The following TTBK1 variants were observed in gnomAD, a reference collection of about 807,000 sequenced individuals.
TTBK1 encodes the protein tau-tubulin kinase 1.
A neutral mutation model predicts 108.5 loss-of-function variants in TTBK1; 34 were observed. The ratio of observed to expected loss-of-function variants is 0.31; its 90% CI spans 0.24 to 0.42. The LOEUF is 0.42. TTBK1 is among the 10% of genes least tolerant of loss of function. TTBK1 has a pLI of 1.00. For missense variants in TTBK1, 1,539 were observed against 1,826.0 expected, an observed-to-expected ratio of 0.84 and a Z score of 2.86; for synonymous variants, 809 against 795.1, an observed-to-expected ratio of 1.02 and a Z score of -0.29.
rs958577440 is a variant in TTBK1 at position 43,253,420 on chromosome 6, C to T, written c.330+56C>T. ...TCTCTAAGAGCTTGGGCTGTGACTCCAGGGTAGGGGAAGGGAAGGTAGACT... is the reference window on the plus strand; with the variant it reads ...TCTCTAAGAGCTTGGGCTGTGACTCTAGGGTAGGGGAAGGGAAGGTAGACT... On this transcript the variant is annotated intron_variant, in intron 4 of 14. Transcript: ENST00000259750. The surrounding 1 kb of genome is among the most constrained non-coding windows in gnomAD (Gnocchi z 5.8). 3 of 1,608,564 alleles carry T rather than the reference C, an allele frequency of 1.9e-6. No individual in the cohort carries two copies. The highest frequency in any genetic ancestry group is 4.5e-5 in the East Asian group (2 of 44,842).
Position 43,273,185 on chromosome 6 carries a change from G to A in TTBK1, c.1987-9542G>A, listed in dbSNP as rs1777880232. Among the ~76,000 whole-genome samples, 2 of 152,162 alleles carry A rather than the reference G, an allele frequency of 1.3e-5. No homozygotes were observed. The highest frequency in any genetic ancestry group is 6.5e-5 in the Admixed American group (1 of 15,274). ...CAGAACATATAAAAAACCCACCCAT[G>A]CCGAATAATCTGAGGTCTTGTTTGA... On this transcript the variant is annotated intron_variant, in intron 13 of 14. Coordinates refer to ENST00000259750, the MANE Select transcript of TTBK1 (RefSeq NM_032538.3). This position sits in a 1 kb window ranked among gnomAD's most constrained non-coding sequence, Gnocchi z 4.2.
intron 13 of TTBK1, chr6:43,271,594 C>T: frequency 9.1e-6 from 9 of 985,206 alleles, no homozygotes; most frequent in Non-Finnish European, 1.1e-5. Flanking sequence ...GAGTAGAGGC[C>T]TCAGGGCCCT....
In TTBK1 at chr6:43,284,983, G is replaced by A; in HGVS notation, c.3573G>A (p.Arg1191=). ...APALDTAITS[R]LQLQTPPGSA... ...TCTCCTGCCTTCTGCTCTCAAGCAG[G>A]CTCCAGCTGCAGACGCCCCCAGGGT... The change falls in exon 15 of 15, where the codon AGG becomes AGA. Residue 1191 remains arginine, a splice_region_variant and synonymous_variant. Coordinates refer to ENST00000259750, the MANE Select transcript of TTBK1 (RefSeq NM_032538.3). The A allele has an allele frequency of 6.6e-7, 1 of 1,513,222 alleles. No individual in the cohort carries two copies. The highest frequency in any genetic ancestry group is 1.4e-5 in the African/African-American group (1 of 69,964). 93.7% of individuals were successfully genotyped at this position (1,513,222 alleles called of 1,614,324 possible).
chr6:43,262,122 C>T (rs1050408017), intron 12 of TTBK1, among the ~76,000 whole-genome samples: 5 of 151,910 alleles, frequency 3.3e-5, no homozygotes, highest in Admixed American at 6.6e-5. Flanking sequence ...GGGGGTGGGC[C>T]GTAAGGGTGG....
rs1025991298 is a variant in TTBK1 at position 43,253,969 on chromosome 6, C to T, written c.471+261C>T. Among the ~76,000 whole-genome samples the T allele has an allele frequency of 1.3e-5, 2 of 152,178 alleles. No individual in the cohort carries two copies. Among genetic ancestry groups the T allele is most frequent in the East Asian group, 1.9e-4 (1 of 5,184 alleles). On this transcript the variant is annotated intron_variant, in intron 5 of 14. Coordinates refer to ENST00000259750, the MANE Select transcript of TTBK1 (RefSeq NM_032538.3). This position sits in a 1 kb window ranked among gnomAD's most constrained non-coding sequence, Gnocchi z 5.8. ...CTTCCCTTCTGTTCCTTATCCCTTG[C>T]CCCTGACCTGACAGTTCTGGAACCT...
chr6:43,266,185 C>T (rs542627717), intron 13 of TTBK1, among the ~76,000 whole-genome samples: 71 of 152,250 alleles, frequency 4.7e-4, no homozygotes, highest in South Asian at 2.7e-3. Context: ...TGTGCATGTG[C>T]GTTTGTGTCA....
At chr6:43,245,387 A>C (rs531507496) in intron 1 of TTBK1, among the ~76,000 whole-genome samples, 21 of 152,248 alleles carry the variant, frequency 1.4e-4, no homozygotes, top group African/African-American at 5.1e-4. Flanking sequence ...CCTGGTTCCA[A>C]ATCCTGTCCT....
chr6:43,262,802 C>G lies in TTBK1; in HGVS notation c.1438C>G (p.Leu480Val). 1 of 1,572,090 alleles carries G rather than the reference C, an allele frequency of 6.4e-7. No individual in the cohort carries two copies. Among genetic ancestry groups the G allele is most frequent in the Non-Finnish European group, 8.7e-7 (1 of 1,155,416 alleles). The change falls in exon 13 of 15, where the codon CTG (leucine) becomes GTG (valine). Residue 480 changes from leucine (L) to valine (V), a missense_variant. By Grantham distance (32) the Leu-to-Val change is conservative (BLOSUM62 1). This residue lies in a region of TTBK1 where 277 missense variants were observed against 332.4 expected (regional missense o/e 0.83). Transcript: ENST00000259750. ...ELPERRSRMD[L>V]PGSPSRQACS... Reference sequence around the variant, plus strand: ...GTGGCTTTGCAGGTCACGGATGGATCTGCCTGGCTCGCCCTCGCGCCAGGC... The same window carrying G: ...GTGGCTTTGCAGGTCACGGATGGATGTGCCTGGCTCGCCCTCGCGCCAGGC...
chr6:43,259,027 G>C lies in TTBK1; in HGVS notation c.1017-11G>C. The C allele has an allele frequency of 1.2e-6, 2 of 1,604,788 alleles. No homozygotes were observed. The highest frequency in any genetic ancestry group is 1.1e-5 in the South Asian group (1 of 89,726). On this transcript the variant is annotated splice_polypyrimidine_tract_variant and intron_variant, in intron 10 of 14. Coordinates refer to ENST00000259750, the MANE Select transcript of TTBK1 (RefSeq NM_032538.3). This position sits in a 1 kb window ranked among gnomAD's most constrained non-coding sequence, Gnocchi z 6.7. ...CCAGCCTTGCCCATGGCTCCCTCCT[G>C]CCCTCTCCAGGGTGGTCAATGTGAC...
chr6:43,260,293 A>G (rs1382664777), intron 12 of TTBK1, among the ~76,000 whole-genome samples: 3 of 152,044 alleles, frequency 2.0e-5, no homozygotes. Context: ...TGGGTGGACA[A>G]CAAGGGCCAG....
intron 12 of TTBK1, among the ~76,000 whole-genome samples, chr6:43,260,649 G>T (rs1196119834): frequency 6.6e-6 from 1 of 152,182 alleles, no homozygotes; most frequent in Admixed American, 6.5e-5. Flanking sequence ...TTTGGGAAGG[G>T]ATATGAGTGG....
In TTBK1 at chr6:43,269,987, G is replaced by GA. The variant is rs1582504559; in HGVS notation, c.1986+6637_1986+6638insA. The GA allele has an allele frequency of 1.4e-6, 2 of 1,429,792 alleles. No individual in the cohort carries two copies. 88.6% of individuals were successfully genotyped at this position (1,429,792 alleles called of 1,614,324 possible). A position where few individuals can be genotyped will look rare whatever the true frequency, so the allele number is the denominator to read the frequency against. On this transcript the variant is annotated intron_variant, in intron 13 of 14. Coordinates refer to ENST00000259750, the MANE Select transcript of TTBK1 (RefSeq NM_032538.3). This position sits in a 1 kb window ranked among gnomAD's most constrained non-coding sequence, Gnocchi z 4.8. ...CCCCCTCCTGGAGGGGGCAGGTGGGGGGGGGTGGGGAGCAGGCAGAGGACC... is the reference window on the plus strand; with the variant it reads ...CCCCCTCCTGGAGGGGGCAGGTGGGGAGGGGGTGGGGAGCAGGCAGAGGACC...
rs1467914489 is a variant in TTBK1 at position 43,259,592 on chromosome 6, C to G, written c.1310C>G (p.Ala437Gly). Residue 437 changes from alanine to glycine, a missense_variant, in exon 12 of 15, where the codon GCC (alanine) becomes GGC (glycine). Coordinates refer to ENST00000259750, the MANE Select transcript of TTBK1 (RefSeq NM_032538.3). The surrounding 1 kb of genome is among the most constrained non-coding windows in gnomAD (Gnocchi z 6.7). ...GGGGTCCCCAGCTCCCCAGTGCGTG[C>G]CCCCCCAGACTCCCCCACAACCCCA... is the stretch of plus-strand genomic sequence containing the variant. The part of the protein sequence containing the change: ...GMGVPSSPVR[A>G]PPDSPTTPVR... The G allele has an allele frequency of 1.2e-6, 2 of 1,606,506 alleles. No individual in the cohort carries two copies. The highest frequency in any genetic ancestry group is 1.7e-5 in the Admixed American group (1 of 59,186).
Position 43,259,023 on chromosome 6 carries a change from T to G in TTBK1, c.1017-15T>G. On this transcript the variant is annotated splice_polypyrimidine_tract_variant and intron_variant, in intron 10 of 14. Coordinates refer to ENST00000259750, the MANE Select transcript of TTBK1 (RefSeq NM_032538.3). The surrounding 1 kb of genome is among the most constrained non-coding windows in gnomAD (Gnocchi z 6.7). Reference sequence around the variant, plus strand: ...CCTGCCAGCCTTGCCCATGGCTCCCTCCTGCCCTCTCCAGGGTGGTCAATG... The same window carrying G: ...CCTGCCAGCCTTGCCCATGGCTCCCGCCTGCCCTCTCCAGGGTGGTCAATG... 1.2e-6 allele frequency: 2 copies of G among 1,601,778 alleles called. No homozygotes were observed. The highest frequency in any genetic ancestry group is 1.7e-6 in the Non-Finnish European group (2 of 1,172,582).
chr6:43,283,695 G>A lies in TTBK1; in HGVS notation c.2955G>A (p.Leu985=). 3 of 1,613,974 alleles carry A rather than the reference G, an allele frequency of 1.9e-6. No homozygotes were observed. The highest frequency in any genetic ancestry group is 2.5e-6 in the Non-Finnish European group (3 of 1,179,944). Residue 985 remains leucine, a synonymous_variant, in exon 14 of 15, where the codon CTG becomes CTA. Coordinates refer to ENST00000259750, the MANE Select transcript of TTBK1 (RefSeq NM_032538.3). The surrounding 1 kb of genome is among the most constrained non-coding windows in gnomAD (Gnocchi z 8.1). ...CGCCCCTGGAGAACGGCCTCGCCCTGTCAGGGCTGAATGGGGCTGAGATAG... is the reference window on the plus strand; with the variant it reads ...CGCCCCTGGAGAACGGCCTCGCCCTATCAGGGCTGAATGGGGCTGAGATAG... The part of the protein sequence containing the change: ...ARAPLENGLA[L]SGLNGAEIEG...
chr6:43,272,954 G>T (rs765111497), intron 13 of TTBK1, among the ~76,000 whole-genome samples: 2 of 152,098 alleles, frequency 1.3e-5, no homozygotes, highest in Non-Finnish European at 2.9e-5. Context: ...TGGTGTTTTC[G>T]CACTTCATAG....
rs1777777905 is a variant in TTBK1, at chr6:43,269,824, C to T, written c.1986+6474C>T. The stretch of plus-strand genomic sequence containing the variant: ...CGCAGCCGCTCGGCTGAGAGCAGCC[C>T]TGTGCGGGCGCCCCACCGGCGCCAC... On this transcript the variant is annotated intron_variant, in intron 13 of 14. Transcript: ENST00000259750. This position sits in a 1 kb window ranked among gnomAD's most constrained non-coding sequence, Gnocchi z 4.8. The T allele has an allele frequency of 6.5e-7, 1 of 1,539,012 alleles. No individual in the cohort carries two copies. The highest frequency in any genetic ancestry group is 8.7e-7 in the Non-Finnish European group (1 of 1,147,932).
chr6:43,250,098 G>A (rs920755551), intron 2 of TTBK1, among the ~76,000 whole-genome samples: 20 of 151,844 alleles, frequency 1.3e-4, no homozygotes, highest in Non-Finnish European at 1.3e-4. Context: ...AGGAGAAATA[G>A]GTTCTGCTGG....
At chr6:43,271,578 T>C (rs996131694) in intron 13 of TTBK1, 2 of 985,108 alleles carry the variant, frequency 2.0e-6, no homozygotes, top group African/African-American at 3.5e-5. Context: ...CAGATGTCTC[T>C]GGTTAGAGTA....
Sources: allele counts gnomAD v4.1 joint callset (sites outside exome capture counted in the v4.1 genomes callset), GRCh38; gene constraint gnomAD v4.1.1; regional missense constraint gnomAD v4.1.1; non-coding constraint Gnocchi (gnomAD v3.1); transcripts MANE v1.5; gene names NCBI Gene and HGNC (gene_info 2026-07-23, HGNC 2026-07-21).